ARHGEF38: variants seen among roughly 807,000 people sequenced by gnomAD.
ARHGEF38 encodes the protein Rho guanine nucleotide exchange factor 38.
In ARHGEF38, 79 loss-of-function variants were observed where a neutral mutation model predicts 79.9. That is an observed-to-expected ratio of 0.99 (90% CI 0.82 to 1.19). The LOEUF (loss-of-function observed/expected upper bound fraction) is 1.19. Among genes scored for constraint, ARHGEF38 ranks in the 50% most tolerant of loss-of-function variants. The pLI, the probability that ARHGEF38 is intolerant of heterozygous loss-of-function variation, is 0.00. For missense variants in ARHGEF38, 962 were observed against 907.2 expected (o/e 1.06, Z -0.78); for synonymous variants, 366 against 328.3 (o/e 1.11, Z -1.24).
chr4:105,557,494 C>T (rs1318430047), intron 1 of ARHGEF38, among the ~76,000 whole-genome samples: 1 of 151,464 alleles, frequency 6.6e-6, no homozygotes, highest in Non-Finnish European at 1.5e-5. Context: ...TCTAAAATTC[C>T]TATGTGAAAC....
chr4:105,673,799 T>C (rs1731032055), intron 13 of ARHGEF38, among the ~76,000 whole-genome samples: 1 of 152,162 alleles, frequency 6.6e-6, no homozygotes, highest in Non-Finnish European at 1.5e-5. Flanking sequence ...TGCTTAACTT[T>C]ACTTAAAATT....
At chr4:105,622,414 A>G (rs1728773716) in intron 3 of ARHGEF38, among the ~76,000 whole-genome samples, 1 of 152,222 alleles carries the variant, frequency 6.6e-6, no homozygotes, top group Non-Finnish European at 1.5e-5. Context: ...AGAAAGAGTA[A>G]CAAACCTTGA....
At chr4:105,586,704 A>G (rs1450055466) in intron 1 of ARHGEF38, among the ~76,000 whole-genome samples, 4 of 152,234 alleles carry the variant, frequency 2.6e-5, no homozygotes, top group Non-Finnish European at 5.9e-5. Flanking sequence ...TATAAGGCAT[A>G]GAAGGTTTAG....
intron 1 of ARHGEF38, among the ~76,000 whole-genome samples, chr4:105,587,682 G>A (rs186756543): frequency 5.5e-4 from 84 of 152,164 alleles, no homozygotes; most frequent in African/African-American, 1.9e-3. Flanking sequence ...GGATGATCTC[G>A]ATCTCCTGAC....
chr4:105,646,659 A>G (rs1280486776), intron 6 of ARHGEF38, among the ~76,000 whole-genome samples: 3 of 152,190 alleles, frequency 2.0e-5, no homozygotes, highest in African/African-American at 7.2e-5. Context: ...ATGTGCTCAA[A>G]GAGAGGTGTA....
intron 5 of ARHGEF38, among the ~76,000 whole-genome samples, chr4:105,642,071 T>C (rs1729641598): frequency 6.6e-6 from 1 of 152,194 alleles, no homozygotes; most frequent in Non-Finnish European, 1.5e-5. Context: ...ATTGACTTCC[T>C]GGCTGAGATG....
At chr4:105,682,051 T>C (rs1338115532), downstream of ARHGEF38, among the ~76,000 whole-genome samples, 1 of 152,156 alleles carries the variant, frequency 6.6e-6, no homozygotes, top group Non-Finnish European at 1.5e-5. Context: ...ACTATGTGCA[T>C]GTATTACATT....
intron 10 of ARHGEF38, among the ~76,000 whole-genome samples, chr4:105,662,715 T>C (rs1255061762): frequency 6.6e-6 from 1 of 152,194 alleles, no homozygotes; most frequent in Non-Finnish European, 1.5e-5. Flanking sequence ...TTCGATAATT[T>C]CATTCTGAGG....
intron 1 of ARHGEF38, among the ~76,000 whole-genome samples, chr4:105,571,305 C>CT (rs1337782676): frequency 1.1e-3 from 156 of 136,916 alleles, no homozygotes; most frequent in African/African-American, 4.0e-3. Flanking sequence ...ATACCTCATC[C>CT]TTTTTTTTTC....
Position 105,653,418 on chromosome 4 carries a change from G to A in ARHGEF38, c.1009-647G>A, listed in dbSNP as rs1730190693. ...GCTCACTGCACCCTCCGTCTTCCGG[G>A]TTCAAGCGACTCTCCTGCCTCAGCC... is the stretch of plus-strand genomic sequence containing the variant. On this transcript the variant is annotated intron_variant, in intron 7 of 13. Transcript: ENST00000420470. 2.0e-5 allele frequency among the ~76,000 whole-genome samples: 3 copies of A among 151,868 alleles called. No individual in the cohort carries two copies. The South Asian group carries it at 6.2e-4, about 32-fold the overall frequency.
At chr4:105,670,554 A>G (rs1339741649) in intron 13 of ARHGEF38, among the ~76,000 whole-genome samples, 2 of 151,964 alleles carry the variant, frequency 1.3e-5, no homozygotes, top group Non-Finnish European at 2.9e-5. Context: ...TTTTAATCAG[A>G]TATATAATTT....
At chr4:105,630,522 G>C (rs559819975) in intron 3 of ARHGEF38, among the ~76,000 whole-genome samples, 1 of 152,122 alleles carries the variant, frequency 6.6e-6, no homozygotes, top group Non-Finnish European at 1.5e-5. Context: ...GATTATAGGC[G>C]TGAGCCACTG....
intron 1 of ARHGEF38, among the ~76,000 whole-genome samples, chr4:105,574,281 C>T (rs1038460729): frequency 1.3e-5 from 2 of 152,122 alleles, no homozygotes; most frequent in Admixed American, 6.5e-5. Flanking sequence ...GGTGCGGTGG[C>T]TCACACCTGT....
At chr4:105,555,841 T>A (rs1353027529) in intron 1 of ARHGEF38, among the ~76,000 whole-genome samples, 1 of 152,198 alleles carries the variant, frequency 6.6e-6, no homozygotes, top group Non-Finnish European at 1.5e-5. Flanking sequence ...GTCTTTTAAC[T>A]CATGATACCT....
intron 1 of ARHGEF38, among the ~76,000 whole-genome samples, chr4:105,583,363 C>G (rs1726885378): frequency 6.6e-6 from 1 of 152,098 alleles, no homozygotes; most frequent in Admixed American, 6.6e-5. Context: ...TCCTGTCCAC[C>G]AAATCTCTTA....
At chr4:105,652,620 C>T (rs1023161627) in intron 7 of ARHGEF38, among the ~76,000 whole-genome samples, 1 of 152,150 alleles carries the variant, frequency 6.6e-6, no homozygotes, top group Non-Finnish European at 1.5e-5. Context: ...GGCAATATTT[C>T]TCACAGTGTG....
At chr4:105,609,455 G>GCA (rs1309543060) in intron 2 of ARHGEF38, among the ~76,000 whole-genome samples, 2 of 151,902 alleles carry the variant, frequency 1.3e-5, no homozygotes, top group Non-Finnish European at 1.5e-5. Flanking sequence ...AGAATTTGAA[G>GCA]AAGACATGGA....
At chr4:105,573,570 T>C (rs1726340117) in intron 1 of ARHGEF38, among the ~76,000 whole-genome samples, 1 of 152,190 alleles carries the variant, frequency 6.6e-6, no homozygotes, top group Non-Finnish European at 1.5e-5. Flanking sequence ...TTCTTTATTC[T>C]GTTTCATTAG....
rs6533206 is a variant in ARHGEF38 at position 105,552,939 on chromosome 4, C to G, written c.174C>G (p.Thr58=). ...GTLRRSQSDR[T]EYNQKLQEKM... is the part of the protein sequence containing the mutation. ...TGAGGAGGAGCCAATCTGACAGGAC[C>G]GAATACAACCAGAAATTACAAGGTA... The change falls in exon 1 of 14, where the codon ACC becomes ACG. Residue 58 remains threonine, a synonymous_variant. Transcript: ENST00000420470. 6.2e-7 allele frequency: 1 copy of G among 1,609,186 alleles called. No individual in the cohort carries two copies. The highest frequency in any genetic ancestry group is 8.5e-7 in the Non-Finnish European group (1 of 1,178,462).
Sources: allele counts gnomAD v4.1 joint callset (sites outside exome capture counted in the v4.1 genomes callset), GRCh38; gene constraint gnomAD v4.1.1; transcripts MANE v1.5; gene names NCBI Gene and HGNC (gene_info 2026-07-23, HGNC 2026-07-21).